The following MGAT4C variants were observed in gnomAD, a reference collection of about 807,000 sequenced individuals.
The protein encoded by MGAT4C is alpha-1,3-mannosyl-glycoprotein 4-beta-N-acetylglucosaminyltransferase C.
In MGAT4C, 19 loss-of-function variants were observed where a neutral mutation model predicts 40.1. The ratio of observed to expected loss-of-function variants is 0.47; its 90% confidence interval spans 0.33 to 0.70. MGAT4C has a LOEUF of 0.70. MGAT4C is among the 30% of genes least tolerant of loss of function. The pLI is 0.02. For missense variants in MGAT4C, 491 were observed against 563.2 expected, an observed-to-expected ratio of 0.87 and a Z score of 1.30; for synonymous variants, 181 against 187.1, an observed-to-expected ratio of 0.97 and a Z score of 0.27.
chr12:86,182,656 G>A (rs1384481217), intron 1 of MGAT4C, among the ~76,000 whole-genome samples: 1 of 148,846 alleles, frequency 6.7e-6, no homozygotes, highest in East Asian at 2.0e-4. Flanking sequence ...CCTCCATTTT[G>A]TTCTTCCTTT....
At chr12:86,726,977 T>C (rs533808561) in intron 2 of MGAT4C, among the ~76,000 whole-genome samples, 1 of 152,254 alleles carries the variant, frequency 6.6e-6, no homozygotes, top group South Asian at 2.1e-4. Flanking sequence ...AAGACGTGAA[T>C]TATATTTTAA....
At chr12:86,416,688 G>GA (rs1367325960) in intron 3 of MGAT4C, among the ~76,000 whole-genome samples, 1 of 152,094 alleles carries the variant, frequency 6.6e-6, no homozygotes, top group Non-Finnish European at 1.5e-5. Flanking sequence ...AGCACATAAG[G>GA]AAGTGTAGCC....
At chr12:86,618,436 C>T (rs1020187416) in intron 2 of MGAT4C, among the ~76,000 whole-genome samples, 4 of 152,036 alleles carry the variant, frequency 2.6e-5, no homozygotes, top group East Asian at 1.9e-4. Context: ...TGTTCATCAA[C>T]AGATGAATAG....
At chr12:86,480,259 G>C (rs1198068865) in intron 2 of MGAT4C, among the ~76,000 whole-genome samples, 2 of 151,688 alleles carry the variant, frequency 1.3e-5, no homozygotes, top group Non-Finnish European at 3.0e-5. Flanking sequence ...AACATTTGCT[G>C]CTTTTGGAAA....
intron 1 of MGAT4C, among the ~76,000 whole-genome samples, chr12:86,241,472 C>T (rs1272875051): frequency 6.6e-6 from 1 of 152,080 alleles, no homozygotes; most frequent in African/African-American, 2.4e-5. Flanking sequence ...ATTACGGGCT[C>T]ATAAATTTTA....
chr12:86,765,436 C>T (rs1446095480), intron 1 of MGAT4C, among the ~76,000 whole-genome samples: 3 of 152,186 alleles, frequency 2.0e-5, no homozygotes, highest in Admixed American at 6.5e-5. Context: ...AGTTGGAAAA[C>T]ACTCTGCAGG....
Position 86,302,204 on chromosome 12 carries a change from A to G in MGAT4C, c.-57+31861T>C, listed in dbSNP as rs759835048. ...GGCAATAGAAATAGATTAGATATAA[A>G]GATTCTTTAGCATACTTCAAATAAA... On this transcript the variant is annotated intron_variant, in intron 4 of 7. Transcript: ENST00000548651. 9.9e-5 allele frequency among the ~76,000 whole-genome samples: 15 copies of G among 150,964 alleles called. 1 individual carries two copies. Among genetic ancestry groups the G allele is most frequent in the Non-Finnish European group, 2.2e-4 (15 of 68,038 alleles).
chr12:86,699,373 C>T (rs949280396), intron 2 of MGAT4C, among the ~76,000 whole-genome samples: 6 of 152,084 alleles, frequency 3.9e-5, no homozygotes, highest in African/African-American at 1.4e-4. Flanking sequence ...AAAAAATATA[C>T]GTATTTTGAT....
At chr12:86,539,198 C>T (rs759513074) in intron 2 of MGAT4C, among the ~76,000 whole-genome samples, 4 of 150,366 alleles carry the variant, frequency 2.7e-5, no homozygotes, top group Non-Finnish European at 5.9e-5. Flanking sequence ...CTACAGGCTC[C>T]GGTGTATGAC....
At chr12:86,810,436 C>A (rs1215094079) in intron 1 of MGAT4C, among the ~76,000 whole-genome samples, 2 of 151,824 alleles carry the variant, frequency 1.3e-5, no homozygotes, top group Non-Finnish European at 2.9e-5. Context: ...AGCATTCAGT[C>A]TTTCACCATA....
At chr12:86,455,751 A>C (rs1409352518) in intron 2 of MGAT4C, among the ~76,000 whole-genome samples, 2 of 152,134 alleles carry the variant, frequency 1.3e-5, no homozygotes, top group Non-Finnish European at 2.9e-5. Context: ...ATAACTTTGC[A>C]AATTATTTTA....
intron 2 of MGAT4C, among the ~76,000 whole-genome samples, chr12:86,549,657 G>T (rs1283929885): frequency 1.3e-5 from 2 of 152,174 alleles, no homozygotes; most frequent in African/African-American, 4.8e-5. Context: ...GGGTAGCTGA[G>T]TAACGTCAGC....
intron 2 of MGAT4C, among the ~76,000 whole-genome samples, chr12:86,601,891 C>G (rs964591771): frequency 6.6e-6 from 1 of 152,190 alleles, no homozygotes; most frequent in Non-Finnish European, 1.5e-5. Context: ...CCTTCAGGCT[C>G]TCTGACCCAG....
intron 2 of MGAT4C, among the ~76,000 whole-genome samples, chr12:86,458,339 A>C (rs1262186686): frequency 1.3e-5 from 2 of 152,120 alleles, no homozygotes; most frequent in Non-Finnish European, 2.9e-5. Context: ...CACCTTCTCT[A>C]AAGTTCTCAA....
intron 2 of MGAT4C, among the ~76,000 whole-genome samples, chr12:86,565,535 G>T (rs1355293099): frequency 6.6e-6 from 1 of 152,212 alleles, no homozygotes; most frequent in African/African-American, 2.4e-5. Context: ...AGTGCACCTG[G>T]TTGTGCACTT....
intron 4 of MGAT4C, among the ~76,000 whole-genome samples, chr12:86,322,079 T>C (rs1566287117): frequency 6.6e-6 from 1 of 151,686 alleles, no homozygotes; most frequent in Non-Finnish European, 1.5e-5. Context: ...TACAGGGACA[T>C]GGATGAAGAT....
intron 2 of MGAT4C, among the ~76,000 whole-genome samples, chr12:86,653,298 G>T (rs2136537791): frequency 6.6e-6 from 1 of 151,906 alleles, no homozygotes; most frequent in Middle Eastern, 3.4e-3. Flanking sequence ...GGATACTCAG[G>T]TTGGCAATAA....
At chr12:86,323,444 A>T (rs919888017) in intron 4 of MGAT4C, among the ~76,000 whole-genome samples, 2 of 151,742 alleles carry the variant, frequency 1.3e-5, no homozygotes, top group Non-Finnish European at 3.0e-5. Flanking sequence ...GTAATATGAA[A>T]AAAACCACAA....
At chr12:86,758,871 T>G (rs555317143) in intron 1 of MGAT4C, among the ~76,000 whole-genome samples, 9 of 152,110 alleles carry the variant, frequency 5.9e-5, no homozygotes, top group Admixed American at 1.3e-4. Flanking sequence ...AACTTGAACG[T>G]TTGTCATTTA....
Sources: gnomAD v4.1 joint callset for allele counts (sites outside exome capture counted in the v4.1 genomes callset) on GRCh38, gnomAD v4.1.1 for gene constraint, MANE v1.5 for transcripts, NCBI Gene and HGNC (gene_info 2026-07-23, HGNC 2026-07-21) for gene names.